LRRTM4: variants seen among roughly 807,000 people sequenced by gnomAD.
The protein encoded by LRRTM4 is leucine-rich repeat transmembrane neuronal protein 4.
Under a neutral mutation model 47.6 loss-of-function variants are expected in LRRTM4, and 25 were observed. The ratio of observed to expected loss-of-function variants is 0.53; its 90% CI spans 0.38 to 0.73. The LOEUF (loss-of-function observed/expected upper bound fraction) is 0.73, where lower values mean the gene tolerates loss of function less well. Among genes scored for constraint, LRRTM4 ranks in the 30% least tolerant of loss-of-function variants. The probability of loss-of-function intolerance (pLI) is 0.00; values close to 1 mark genes in which losing one functional copy is unlikely to be tolerated. For synonymous variants in LRRTM4, 311 were observed against 269.5 expected, an observed-to-expected ratio of 1.15 and a Z score of -1.51; for missense variants, 638 against 713.4, an observed-to-expected ratio of 0.89 and a Z score of 1.20.
intron 3 of LRRTM4, among the ~76,000 whole-genome samples, chr2:77,196,922 T>A (rs1673844683): frequency 6.6e-6 from 1 of 152,160 alleles, no homozygotes; most frequent in Non-Finnish European, 1.5e-5. Context: ...GTTATGTTTT[T>A]TTAATTTTTT....
At chr2:77,488,125 G>A (rs1558766915) in intron 3 of LRRTM4, among the ~76,000 whole-genome samples, 1 of 152,204 alleles carries the variant, frequency 6.6e-6, no homozygotes, top group East Asian at 1.9e-4. Flanking sequence ...GCAGCTCTTT[G>A]GGGATCCCAG....
chr2:76,747,951 ACAGTGAGGGCTGC>A lies in LRRTM4; in HGVS notation c.*731_*743del, dbSNP rs1456099062. On this transcript the variant is annotated 3_prime_UTR_variant, in exon 4 of 4. Coordinates refer to ENST00000409884, the MANE Select transcript of LRRTM4 (RefSeq NM_001134745.3). ...TTCATGGCTCTCTCAGGCATCCTAC[ACAGTGAGGGCTGC>A]CAATGGGACAAAACAAAATTCCTTC... is the stretch of plus-strand genomic sequence containing the variant. 2 of 152,168 alleles carry A rather than the reference ACAGTGAGGGCTGC, an allele frequency of 1.3e-5. No homozygotes were observed. Among genetic ancestry groups the A allele is most frequent in the Non-Finnish European group, 2.9e-5 (2 of 68,058 alleles). 9.4% of individuals were successfully genotyped at this position (152,168 alleles called of 1,614,324 possible).
intron 3 of LRRTM4, among the ~76,000 whole-genome samples, chr2:77,391,188 T>C (rs1171568473): frequency 1.3e-5 from 2 of 152,040 alleles, no homozygotes; most frequent in East Asian, 3.9e-4. Context: ...GAAAGCTTTA[T>C]AACTTTATAT....
At chr2:76,919,294 G>T (rs779355234) in intron 3 of LRRTM4, among the ~76,000 whole-genome samples, 2 of 152,078 alleles carry the variant, frequency 1.3e-5, no homozygotes, top group African/African-American at 2.4e-5. Flanking sequence ...GCCATAAACC[G>T]CATTTTTAGT....
At chr2:77,360,533 A>AG (rs1672163750) in intron 3 of LRRTM4, among the ~76,000 whole-genome samples, 1 of 128,480 alleles carries the variant, frequency 7.8e-6, no homozygotes, top group Non-Finnish European at 1.7e-5. Context: ...ATACGATACG[A>AG]TACAATACAA....
At chr2:77,242,465 A>C (rs1163244929) in intron 3 of LRRTM4, among the ~76,000 whole-genome samples, 2 of 152,104 alleles carry the variant, frequency 1.3e-5, no homozygotes, top group Non-Finnish European at 2.9e-5. Flanking sequence ...AACTCCTACA[A>C]CTCAACCACA....
At chr2:77,132,170 T>C (rs1327432983) in intron 3 of LRRTM4, among the ~76,000 whole-genome samples, 1 of 152,194 alleles carries the variant, frequency 6.6e-6, no homozygotes, top group East Asian at 1.9e-4. Flanking sequence ...CAGCCTCTGG[T>C]AACTATCATT....
intron 3 of LRRTM4, among the ~76,000 whole-genome samples, chr2:76,838,117 GAA>G (rs1671570878): frequency 2.6e-5 from 4 of 151,382 alleles, no homozygotes; most frequent in Middle Eastern, 3.4e-3. Flanking sequence ...AATGGAAGAA[GAA>G]GAAAAAATTG....
intron 3 of LRRTM4, among the ~76,000 whole-genome samples, chr2:77,084,493 A>T (rs762963486): frequency 6.6e-6 from 1 of 152,224 alleles, no homozygotes; most frequent in Non-Finnish European, 1.5e-5. Context: ...ATAACTACGT[A>T]TCGTACTTAA....
At chr2:77,470,354 A>C (rs947866241) in intron 3 of LRRTM4, among the ~76,000 whole-genome samples, 2 of 152,198 alleles carry the variant, frequency 1.3e-5, no homozygotes, top group Non-Finnish European at 2.9e-5. Flanking sequence ...GTTGATGCCA[A>C]ATATGTTGAA....
intron 3 of LRRTM4, among the ~76,000 whole-genome samples, chr2:77,102,893 TG>T (rs1264702426): frequency 6.6e-6 from 1 of 152,190 alleles, no homozygotes; most frequent in East Asian, 1.9e-4. Flanking sequence ...TGTTTATGGC[TG>T]CTTTTGTACT....
intron 3 of LRRTM4, among the ~76,000 whole-genome samples, chr2:77,233,638 C>T (rs370829090): frequency 6.6e-6 from 1 of 152,134 alleles, no homozygotes; most frequent in African/African-American, 2.4e-5. Flanking sequence ...TCACTAATAA[C>T]TTGCTATATA....
chr2:76,815,836 G>C (rs2103839832), intron 3 of LRRTM4, among the ~76,000 whole-genome samples: 1 of 152,202 alleles, frequency 6.6e-6, no homozygotes, highest in East Asian at 1.9e-4. Flanking sequence ...ATAGAGAAAT[G>C]AATTTGTATA....
intron 3 of LRRTM4, among the ~76,000 whole-genome samples, chr2:76,874,446 A>G (rs1672723166): frequency 6.6e-6 from 1 of 151,992 alleles, no homozygotes; most frequent in Non-Finnish European, 1.5e-5. Flanking sequence ...CATGTAATAA[A>G]GCGGAAATAT....
At chr2:77,295,492 T>C (rs1211990831) in intron 3 of LRRTM4, among the ~76,000 whole-genome samples, 1 of 152,130 alleles carries the variant, frequency 6.6e-6, no homozygotes. Flanking sequence ...TATTGGAAAA[T>C]TGCTATATTT....
At chr2:77,034,136 A>G (rs1470929362) in intron 3 of LRRTM4, among the ~76,000 whole-genome samples, 1 of 151,888 alleles carries the variant, frequency 6.6e-6, no homozygotes, top group Non-Finnish European at 1.5e-5. Flanking sequence ...AAAGATTTCA[A>G]AGCATTTTCA....
chr2:77,318,830 G>A (rs1230380320), intron 3 of LRRTM4, among the ~76,000 whole-genome samples: 1 of 151,892 alleles, frequency 6.6e-6, no homozygotes, highest in Non-Finnish European at 1.5e-5. Flanking sequence ...AGGTAAATCT[G>A]ATTGACTTCT....
At chr2:77,301,242 A>G (rs902278891) in intron 3 of LRRTM4, among the ~76,000 whole-genome samples, 1 of 152,156 alleles carries the variant, frequency 6.6e-6, no homozygotes, top group African/African-American at 2.4e-5. Flanking sequence ...TTGTGCTTCA[A>G]AATATCATAA....
chr2:77,288,410 G>T (rs770478371), intron 3 of LRRTM4, among the ~76,000 whole-genome samples: 14 of 151,452 alleles, frequency 9.2e-5, no homozygotes, highest in Non-Finnish European at 1.8e-4. Flanking sequence ...AGATATTGAA[G>T]AAAGAACAAT....
Sources: allele counts gnomAD v4.1 joint callset (sites outside exome capture counted in the v4.1 genomes callset), GRCh38; gene constraint gnomAD v4.1.1; transcripts MANE v1.5; gene names NCBI Gene and HGNC (gene_info 2026-07-23, HGNC 2026-07-21).